Variants in NAV1 observed in about 807,000 individuals in gnomAD.
NAV1 encodes neuron navigator 1.
In NAV1, 18 loss-of-function variants were observed where a neutral mutation model predicts 175.2. The observed-to-expected ratio is 0.10, with a 90% CI of 0.07 to 0.15. The LOEUF (loss-of-function observed/expected upper bound fraction) is 0.15. NAV1 is among the 10% of genes least tolerant of loss of function. The pLI, the probability that NAV1 is intolerant of heterozygous loss-of-function variation, is 1.00. For synonymous variants in NAV1, 897 were observed against 978.7 expected (o/e 0.92, Z 1.56); for missense variants, 1,731 against 2,436.6 (o/e 0.71, Z 6.10).
intron 1 of NAV1, among the ~76,000 whole-genome samples, chr1:201,689,160 C>G (rs1670798325): frequency 6.6e-6 from 1 of 152,208 alleles, no homozygotes; most frequent in African/African-American, 2.4e-5. Flanking sequence ...ACTTACTTTA[C>G]ATAATTTAGT....
chr1:201,815,059 TA>T (rs963605473), intron 28 of NAV1, among the ~76,000 whole-genome samples: 1,965 of 142,216 alleles, frequency 0.014, 46 homozygotes, highest in African/African-American at 0.045. Flanking sequence ...AAAAAAAAGT[TA>T]AAAAAAAAAA....
chr1:201,740,606 C>CG lies in NAV1; in HGVS notation c.1226+21856dup, dbSNP rs1673359173. On this transcript the variant is annotated intron_variant, in intron 3 of 29. Transcript: ENST00000367296. This position sits in a 1 kb window ranked among gnomAD's most constrained non-coding sequence, Gnocchi z 4.7. ...GGTGGTGGGAGGCGGAAGGATGAAACGGGGGAGGGAGGGGACGTTGAATTT... is the reference window on the plus strand; with the variant it reads ...GGTGGTGGGAGGCGGAAGGATGAAACGGGGGGAGGGAGGGGACGTTGAATTT... Among the ~76,000 whole-genome samples, 1 of 151,838 alleles carries CG rather than the reference C, an allele frequency of 6.6e-6. No homozygotes were observed. Among genetic ancestry groups the CG allele is most frequent in the Non-Finnish European group, 1.5e-5 (1 of 67,960 alleles).
intron 1 of NAV1, among the ~76,000 whole-genome samples, chr1:201,567,020 T>G: frequency 6.6e-6 from 1 of 152,104 alleles, no homozygotes; most frequent in Non-Finnish European, 1.5e-5. Context: ...GGTGCTGACT[T>G]CCTTAGGCGG....
chr1:201,820,431 G>T (rs1164968012), exon 30 of NAV1: 1 of 152,736 alleles, frequency 6.5e-6, no homozygotes, highest in Non-Finnish European at 1.5e-5. Flanking sequence ...CAGAGATCTG[G>T]CTGGAGCCCA....
At chr1:201,760,660 A>G (rs1674781249) in intron 3 of NAV1, among the ~76,000 whole-genome samples, 1 of 152,208 alleles carries the variant, frequency 6.6e-6, no homozygotes, top group East Asian at 1.9e-4. Context: ...ATTTTTGAAA[A>G]GGAAAATAAA....
At chr1:201,605,102 G>A (rs1558015572) in intron 2 of NAV1, among the ~76,000 whole-genome samples, 2 of 151,832 alleles carry the variant, frequency 1.3e-5, no homozygotes, top group Non-Finnish European at 2.9e-5. Context: ...CCCAGCACCA[G>A]GGAGGTTGCT....
intron 1 of NAV1, among the ~76,000 whole-genome samples, chr1:201,577,877 C>G (rs1354054852): frequency 6.6e-6 from 1 of 152,082 alleles, no homozygotes; most frequent in East Asian, 1.9e-4. Flanking sequence ...TCATTTGAAC[C>G]CTTTCCACCT....
chr1:201,648,307 C>A, exon 1 of NAV1: 1 of 1,130,516 alleles, frequency 8.8e-7, no homozygotes, highest in Non-Finnish European at 1.1e-6. Context: ...AGCAAAAGCA[C>A]CGCTGGGCGC....
chr1:201,765,477 C>T (rs930609221), intron 3 of NAV1, among the ~76,000 whole-genome samples: 1 of 148,950 alleles, frequency 6.7e-6, no homozygotes, highest in Non-Finnish European at 1.5e-5. Flanking sequence ...TTACTGCAAC[C>T]TCTGCCTCCC....
chr1:201,648,402 C>T, exon 1 of NAV1: 1 of 1,227,710 alleles, frequency 8.1e-7, no homozygotes, highest in East Asian at 3.2e-5. Flanking sequence ...GCCCCTTTTC[C>T]TCCGACCCCG....
Position 201,718,814 on chromosome 1 carries a change from G to C in NAV1, c.1226+59G>C, listed in dbSNP as rs1291729529. 4 of 1,547,250 alleles carry C rather than the reference G, an allele frequency of 2.6e-6. No homozygotes were observed. In the African/African-American group the frequency reaches 4.1e-5, roughly 16 times the overall value. On this transcript the variant is annotated intron_variant, in intron 3 of 29. Coordinates refer to ENST00000367296, the Ensembl canonical transcript of NAV1. The surrounding 1 kb of genome is among the most constrained non-coding windows in gnomAD (Gnocchi z 4.8). ...GATGGTGGAAAGACCACTGGGATGC[G>C]ACGCCTTAAAAGTGGAGTGGAACCC...
intron 1 of NAV1, among the ~76,000 whole-genome samples, chr1:201,660,472 C>T (rs1470548286): frequency 6.6e-6 from 1 of 152,202 alleles, no homozygotes; most frequent in Non-Finnish European, 1.5e-5. Context: ...TGAGGTTTCC[C>T]AGCCCAGCCT....
chr1:201,612,626 C>T (rs677947), intron 2 of NAV1, among the ~76,000 whole-genome samples: 5,735 of 152,268 alleles, frequency 0.038, 319 homozygotes, highest in African/African-American at 0.12. Context: ...AAACAGGTTC[C>T]TTCAAGTCTC....
chr1:201,729,987 T>C (rs925274192), intron 3 of NAV1, among the ~76,000 whole-genome samples: 1 of 152,182 alleles, frequency 6.6e-6, no homozygotes, highest in African/African-American at 2.4e-5. Flanking sequence ...TCTTGGTTAC[T>C]CCTAGAAAAC....
intron 1 of NAV1, among the ~76,000 whole-genome samples, chr1:201,697,947 G>A (rs1479121066): frequency 6.6e-6 from 1 of 152,176 alleles, no homozygotes. Context: ...CATTTTATAG[G>A]TGAGAGAACT....
intron 2 of NAV1, among the ~76,000 whole-genome samples, chr1:201,593,585 C>T (rs538602722): frequency 1.3e-5 from 2 of 152,180 alleles, no homozygotes; most frequent in South Asian, 4.1e-4. Context: ...GGCGCATTCT[C>T]TTCTGGTTCT....
chr1:201,741,738 C>G (rs968617582), intron 3 of NAV1, among the ~76,000 whole-genome samples: 7 of 152,338 alleles, frequency 4.6e-5, no homozygotes, highest in Admixed American at 2.0e-4. Context: ...TTCCTTCCTA[C>G]TCAACAGCCT....
At chr1:201,798,695 C>CTCTTT (rs1243121955) in intron 15 of NAV1, 3 of 69,480 alleles carry the variant, frequency 4.3e-5, no homozygotes, top group African/African-American at 1.2e-4. Flanking sequence ...TTTTCTCTCT[C>CTCTTT]TTTTTTTTTT....
intron 3 of NAV1, among the ~76,000 whole-genome samples, chr1:201,746,752 G>A (rs1673792788): frequency 6.6e-6 from 1 of 152,144 alleles, no homozygotes; most frequent in Non-Finnish European, 1.5e-5. Context: ...TGTAATCCCA[G>A]CACTTTGGGA....
Sources: allele counts gnomAD v4.1 joint callset (sites outside exome capture counted in the v4.1 genomes callset), GRCh38; gene constraint gnomAD v4.1.1; non-coding constraint Gnocchi (gnomAD v3.1); transcripts MANE v1.5; gene names NCBI Gene and HGNC (gene_info 2026-07-23, HGNC 2026-07-21).